Variants in GNB4 observed in about 807,000 individuals in gnomAD.
GNB4 encodes G protein subunit beta 4, also known as guanine nucleotide-binding protein subunit beta-4.
Under a neutral mutation model 45.2 loss-of-function variants are expected in GNB4, and 28 were observed. The ratio of observed to expected loss-of-function variants is 0.62; its 90% CI spans 0.46 to 0.85. The LOEUF is 0.85. Ranked by LOEUF, GNB4 falls within the 40% of genes least tolerant of loss-of-function variation. The pLI is 0.00. For missense variants in GNB4, 321 were observed against 425.4 expected (o/e 0.75, Z 2.16); for synonymous variants, 132 against 143.7 (o/e 0.92, Z 0.58).
the GNB4 span, among the ~76,000 whole-genome samples, chr3:179,474,056 G>A: frequency 3.9e-4 from 59 of 152,236 alleles, no homozygotes; most frequent in African/African-American, 1.3e-3. Flanking sequence ...AGTCTGCATT[G>A]GCTCATGCCT....
chr3:179,437,035 T>C (rs1715470573), intron 1 of GNB4, among the ~76,000 whole-genome samples: 1 of 152,172 alleles, frequency 6.6e-6, no homozygotes, highest in Non-Finnish European at 1.5e-5. Context: ...TGAATAAAAC[T>C]TAGGCCCAGG....
At chr3:179,425,279 C>G (rs1182411002) in intron 2 of GNB4, among the ~76,000 whole-genome samples, 21 of 152,180 alleles carry the variant, frequency 1.4e-4, no homozygotes, top group Admixed American at 1.4e-3. Flanking sequence ...ACGCAGACGC[C>G]TCCTCTCAGA....
the GNB4 span, among the ~76,000 whole-genome samples, chr3:179,490,864 G>T: frequency 2.0e-5 from 3 of 152,060 alleles, no homozygotes; most frequent in Non-Finnish European, 4.4e-5. Context: ...CACTTCTCTA[G>T]GTATCCCTTA....
chr3:179,477,014 T>A, the GNB4 span, among the ~76,000 whole-genome samples: 1 of 152,174 alleles, frequency 6.6e-6, no homozygotes, highest in African/African-American at 2.4e-5. Context: ...TAGAAGGTGC[T>A]CTGAAACTAT....
At chr3:179,513,087 C>T in the GNB4 span, among the ~76,000 whole-genome samples, 2 of 150,788 alleles carry the variant, frequency 1.3e-5, no homozygotes, top group Non-Finnish European at 2.9e-5. Context: ...AAGTTGCAGG[C>T]TCAATATGGG....
At chr3:179,527,367 C>T in the GNB4 span, among the ~76,000 whole-genome samples, 22 of 152,278 alleles carry the variant, frequency 1.4e-4, 1 homozygote, top group South Asian at 4.6e-3. Flanking sequence ...GTTGGAACTT[C>T]CAGCATTTGA....
chr3:179,425,563 A>G (rs933541009), intron 2 of GNB4, among the ~76,000 whole-genome samples: 1 of 152,126 alleles, frequency 6.6e-6, no homozygotes, highest in Non-Finnish European at 1.5e-5. Flanking sequence ...CTCCGTCTCC[A>G]GGGATCAAGC....
the GNB4 span, chr3:179,464,227 G>A: frequency 2.4e-6 from 1 of 420,674 alleles, no homozygotes; most frequent in Non-Finnish European, 4.4e-6. Flanking sequence ...AGGAGGCTGA[G>A]GAGGGAAGAT....
At chr3:179,464,687 G>A in the GNB4 span, 2 of 1,067,286 alleles carry the variant, frequency 1.9e-6, no homozygotes, top group Non-Finnish European at 2.9e-6. Flanking sequence ...AAGAATTGTT[G>A]AATTTAATCA....
chr3:179,461,667 T>A, the GNB4 span, among the ~76,000 whole-genome samples: 1 of 152,208 alleles, frequency 6.6e-6, no homozygotes, highest in African/African-American at 2.4e-5. Flanking sequence ...ACATTGACAA[T>A]GATTGTCTAA....
chr3:179,403,806 A>AAAAAAT (rs766532315), intron 9 of GNB4, among the ~76,000 whole-genome samples: 101 of 150,556 alleles, frequency 6.7e-4, no homozygotes, highest in Non-Finnish European at 1.3e-3. Flanking sequence ...TCAAAAAAAT[A>AAAAAAT]AAATAAAATA....
rs192506070 is a variant in GNB4 at position 179,419,532 on chromosome 3, C to T, written c.97-27G>A. 18 of 1,336,118 alleles carry T rather than the reference C, an allele frequency of 1.3e-5. No homozygotes were observed. The African/African-American group carries it at 2.0e-4, about 15-fold the overall frequency. 82.8% of individuals were successfully genotyped at this position (1,336,118 alleles called of 1,614,324 possible). On this transcript the variant is annotated intron_variant, in intron 3 of 9. Transcript: ENST00000232564. ...TTTTGAAAGCAACAAAAATGTTATT[C>T]TTTACCTTAATCATAGTTCATGAGA... is the stretch of plus-strand genomic sequence containing the variant.
the GNB4 span, among the ~76,000 whole-genome samples, chr3:179,471,405 T>C: frequency 6.6e-6 from 1 of 152,158 alleles, no homozygotes; most frequent in African/African-American, 2.4e-5. Context: ...TATACATGTA[T>C]ACCATTTTTA....
chr3:179,459,177 C>T, the GNB4 span, among the ~76,000 whole-genome samples: 1 of 152,200 alleles, frequency 6.6e-6, no homozygotes, highest in African/African-American at 2.4e-5. Context: ...CCCAACCCCC[C>T]ATCTTCAAGT....
chr3:179,475,357 G>C, the GNB4 span, among the ~76,000 whole-genome samples: 9 of 152,162 alleles, frequency 5.9e-5, no homozygotes, highest in Non-Finnish European at 1.3e-4. Flanking sequence ...CTGACCTTGT[G>C]ATCTGCCCGC....
chr3:179,419,377 A>C, intron 4 of GNB4, 22 bp downstream of exon 4: 1 of 1,276,116 alleles, frequency 7.8e-7, no homozygotes, highest in Non-Finnish European at 1.1e-6. Flanking sequence ...TTTAAAAATG[A>C]CAGGTAATGA....
intron 3 of GNB4, among the ~76,000 whole-genome samples, chr3:179,420,653 G>C (rs1156335646): frequency 6.6e-6 from 1 of 151,524 alleles, no homozygotes; most frequent in Non-Finnish European, 1.5e-5. Flanking sequence ...TTACCATGTT[G>C]GTATAGCTGG....
chr3:179,507,714 C>T, the GNB4 span, among the ~76,000 whole-genome samples: 2 of 152,176 alleles, frequency 1.3e-5, no homozygotes, highest in Admixed American at 1.3e-4. Flanking sequence ...TGAAGTCCCC[C>T]TTGATGAGGG....
chr3:179,514,951 T>C, the GNB4 span, among the ~76,000 whole-genome samples: 1 of 152,234 alleles, frequency 6.6e-6, no homozygotes. Context: ...CTTAAAATGA[T>C]GGAATTACTT....
Sources: allele counts gnomAD v4.1 joint callset (sites outside exome capture counted in the v4.1 genomes callset), GRCh38; gene constraint gnomAD v4.1.1; transcripts MANE v1.5; gene names NCBI Gene and HGNC (gene_info 2026-07-23, HGNC 2026-07-21).